POR: variants seen among roughly 807,000 people sequenced by gnomAD.
POR encodes cytochrome p450 oxidoreductase, also known as NADPH--cytochrome P450 reductase.
In POR, 56 loss-of-function variants were observed where a neutral mutation model predicts 84.0. That is an observed-to-expected ratio of 0.67 (90% CI 0.54 to 0.83). POR has a LOEUF of 0.83. Among genes scored for constraint, POR ranks in the 40% least tolerant of loss-of-function variants. The pLI is 0.00. For missense variants in POR, 938 were observed against 944.3 expected (o/e 0.99, Z 0.09); for synonymous variants, 414 against 400.5 (o/e 1.03, Z -0.40).
Position 75,945,551 on chromosome 7 carries a change from A to C in POR, c.-4-8438A>C, listed in dbSNP as rs554997633. On this transcript the variant is annotated intron_variant, in intron 1 of 15. Transcript: ENST00000461988. Reference sequence around the variant, plus strand: ...GTGTAGTGTTCCCCGAGTACCTCTCAGTCCCTGTGGGTTGCGCTGTCAGGC... The same window carrying C: ...GTGTAGTGTTCCCCGAGTACCTCTCCGTCCCTGTGGGTTGCGCTGTCAGGC... Among the ~76,000 whole-genome samples, 4 of 152,212 alleles carry C rather than the reference A, an allele frequency of 2.6e-5. No homozygotes were observed. In the South Asian group the frequency reaches 8.3e-4, roughly 32 times the overall value.
chr7:75,941,705 C>T (rs538770636), intron 1 of POR, among the ~76,000 whole-genome samples: 36 of 152,166 alleles, frequency 2.4e-4, no homozygotes, highest in Non-Finnish European at 4.7e-4. Flanking sequence ...AGGCTGGTTG[C>T]GGTGGTTCAC....
chr7:75,950,841 C>CCT (rs1319995616), intron 1 of POR, among the ~76,000 whole-genome samples: 2 of 144,610 alleles, frequency 1.4e-5, no homozygotes, highest in African/African-American at 5.1e-5. Context: ...GGCAGGATCA[C>CCT]GAGGTCAGGA....
At chr7:75,938,337 C>T (rs1807798624) in intron 1 of POR, among the ~76,000 whole-genome samples, 1 of 152,156 alleles carries the variant, frequency 6.6e-6, no homozygotes, top group African/African-American at 2.4e-5. Flanking sequence ...TACAGTAGTA[C>T]CTTCCTGTAG....
chr7:75,946,942 C>G (rs1022632456), intron 1 of POR: 1 of 152,204 alleles, frequency 6.6e-6, no homozygotes, highest in Non-Finnish European at 1.5e-5. Flanking sequence ...AGGTGGCTCC[C>G]AAACTGTGCC....
chr7:75,982,174 GGACT>G, intron 7 of POR, 46 bp from the exon 8 acceptor site: 1 of 1,464,926 alleles, frequency 6.8e-7, no homozygotes, highest in South Asian at 1.2e-5. Context: ...CTCCCTCTCG[GGACT>G]GACCCCTGCC....
intron 1 of POR, among the ~76,000 whole-genome samples, chr7:75,920,200 G>A (rs1313781132): frequency 6.6e-6 from 1 of 151,560 alleles, no homozygotes; most frequent in Non-Finnish European, 1.5e-5. Flanking sequence ...CAAGTAGCTG[G>A]GATTACAGGC....
rs72557956 is a variant in POR, at chr7:75,986,254, G to A, written c.1898+13G>A. 6.2e-7 allele frequency: 1 copy of A among 1,612,654 alleles called. No homozygotes were observed. Among genetic ancestry groups the A allele is most frequent in the Admixed American group, 1.7e-5 (1 of 59,996 alleles). ...TCTACGTCTGTGGGTGAGTGAGTGG[G>A]GTCACTGGAATAGGGGGCAGGGAGG... On this transcript the variant is annotated intron_variant, in intron 15 of 15. Transcript: ENST00000461988.
chr7:75,966,116 A>C (rs1788169464), intron 2 of POR, among the ~76,000 whole-genome samples: 1 of 152,172 alleles, frequency 6.6e-6, no homozygotes, highest in Non-Finnish European at 1.5e-5. Context: ...GGTGAGGATT[A>C]AACAAAATAA....
chr7:75,982,456 G>A, intron 8 of POR, 134 bp downstream of exon 8: 1 of 726,364 alleles, frequency 1.4e-6, no homozygotes, highest in Non-Finnish European at 2.3e-6. Context: ...GGGTGTGAGT[G>A]TCCACGACCT....
chr7:75,986,188 C>T lies in POR; in HGVS notation c.1845C>T (p.Asp615=). The T allele has an allele frequency of 1.2e-6, 2 of 1,612,328 alleles. No homozygotes were observed. Among genetic ancestry groups the T allele is most frequent in the African/African-American group, 1.3e-5 (1 of 75,050 alleles). Residue 615 remains aspartate, a synonymous_variant, in exon 15 of 16, where the codon GAC becomes GAT. Coordinates refer to ENST00000461988, the MANE Select transcript of POR (RefSeq NM_000941.3). ...ACGTCCAGCACCTGCTAAAGCAAGA[C>T]CGAGAGCACCTGTGGAAGTTGATCG... is the stretch of plus-strand genomic sequence containing the variant.
In POR at chr7:75,983,777, C is replaced by T. The variant is rs372380641; in HGVS notation, c.987C>T (p.Asn329=). ...ACCACGTGGCTGTGTACCCAGCCAA[C>T]GACTCTGCTCTCGTCAACCAGCTGG... Residue 329 remains asparagine (N), a synonymous_variant, in exon 10 of 16, where the codon AAC becomes AAT. Transcript: ENST00000461988. 8.1e-6 allele frequency: 13 copies of T among 1,612,350 alleles called. No homozygotes were observed. The highest frequency in any genetic ancestry group is 1.6e-4 in the Middle Eastern group (1 of 6,082).
At chr7:75,972,601 G>A (rs1313526643) in intron 3 of POR, 140 bp downstream of exon 3, 5 of 799,410 alleles carry the variant, frequency 6.3e-6, no homozygotes, top group Admixed American at 6.0e-5. Flanking sequence ...GGCTCGCTTG[G>A]GAGTCATTCT....
intron 2 of POR, among the ~76,000 whole-genome samples, chr7:75,963,636 A>G (rs1788047813): frequency 6.6e-6 from 1 of 152,182 alleles, no homozygotes; most frequent in Admixed American, 6.5e-5. Flanking sequence ...GGTGGTGGGA[A>G]TGCAGAGGAG....
chr7:75,973,381 A>G (rs962390727), intron 3 of POR, among the ~76,000 whole-genome samples: 2 of 146,780 alleles, frequency 1.4e-5, no homozygotes, highest in Admixed American at 6.8e-5. Context: ...CGGCGCCATC[A>G]TAGCTCACTG....
chr7:75,970,408 G>T (rs951791578), intron 2 of POR, among the ~76,000 whole-genome samples: 1 of 151,798 alleles, frequency 6.6e-6, no homozygotes, highest in South Asian at 2.1e-4. Context: ...ACAGTGGTGA[G>T]ATCATCGCCC....
chr7:75,923,510 G>A (rs1420259727), intron 1 of POR: 2 of 480,742 alleles, frequency 4.2e-6, no homozygotes, highest in East Asian at 3.8e-5. Context: ...ATTTTTGGGG[G>A]CGGGGTGGAA....
At chr7:75,965,249 C>G (rs1788127904) in intron 2 of POR, among the ~76,000 whole-genome samples, 1 of 152,172 alleles carries the variant, frequency 6.6e-6, no homozygotes, top group African/African-American at 2.4e-5. Flanking sequence ...GAGCCGAGTG[C>G]AAATGCAGGT....
chr7:75,980,633 T>C (rs536355851), intron 5 of POR, 145 bp downstream of exon 5: 1 of 1,571,770 alleles, frequency 6.4e-7, no homozygotes, highest in African/African-American at 1.3e-5. Context: ...GACCCTCTCC[T>C]CTGCCCCAGA....
intron 2 of POR, among the ~76,000 whole-genome samples, chr7:75,961,392 C>G (rs1300889047): frequency 6.6e-6 from 1 of 152,164 alleles, no homozygotes; most frequent in Non-Finnish European, 1.5e-5. Flanking sequence ...TGCATTCACT[C>G]TGACCCTCCA....
Sources: allele counts gnomAD v4.1 joint callset (sites outside exome capture counted in the v4.1 genomes callset), GRCh38; gene constraint gnomAD v4.1.1; transcripts MANE v1.5; gene names NCBI Gene and HGNC (gene_info 2026-07-23, HGNC 2026-07-21).